Variants in XRCC4 observed in about 807,000 individuals in gnomAD.
XRCC4 encodes the protein X-ray repair cross complementing 4, also known as DNA repair protein XRCC4.
Under a neutral mutation model 39.1 loss-of-function variants are expected in XRCC4, and 28 were observed. That is an observed-to-expected ratio of 0.72 (90% CI 0.53 to 0.98). The LOEUF (loss-of-function observed/expected upper bound fraction) is 0.98, where lower values mean the gene tolerates loss of function less well. Ranked by LOEUF, XRCC4 falls within the 50% of genes least tolerant of loss-of-function variation. The pLI, the probability that XRCC4 is intolerant of heterozygous loss-of-function variation, is 0.00. For synonymous variants in XRCC4, 123 were observed against 126.4 expected (o/e 0.97, Z 0.18); for missense variants, 350 against 376.4 (o/e 0.93, Z 0.58).
intron 1 of XRCC4, among the ~76,000 whole-genome samples, chr5:83,101,002 A>T (rs1745906821): frequency 6.6e-6 from 1 of 152,012 alleles, no homozygotes; most frequent in African/African-American, 2.4e-5. Flanking sequence ...TTTAAAAATT[A>T]TTTTTTCTGT....
intron 3 of XRCC4, among the ~76,000 whole-genome samples, chr5:83,158,799 C>G (rs1749075098): frequency 1.3e-5 from 2 of 151,832 alleles, no homozygotes; most frequent in South Asian, 4.2e-4. Context: ...TATGATAGTC[C>G]TAAAGAACTA....
At chr5:83,272,299 C>T (rs966547792) in intron 7 of XRCC4, among the ~76,000 whole-genome samples, 1 of 151,962 alleles carries the variant, frequency 6.6e-6, no homozygotes, top group Non-Finnish European at 1.5e-5. Flanking sequence ...TAAAGTCATA[C>T]CCCCCCAAAC....
At chr5:83,218,178 C>A (rs767582465) in intron 6 of XRCC4, among the ~76,000 whole-genome samples, 30 of 150,640 alleles carry the variant, frequency 2.0e-4, no homozygotes, top group Non-Finnish European at 3.3e-4. Flanking sequence ...ATTAACTCAT[C>A]ATTTACATTA....
chr5:83,128,289 C>T (rs576252271), intron 3 of XRCC4, among the ~76,000 whole-genome samples: 39 of 152,224 alleles, frequency 2.6e-4, no homozygotes, highest in Admixed American at 7.9e-4. Context: ...CATGTCCCTA[C>T]GAAGGATATG....
chr5:83,234,813 TA>T (rs34710530), intron 6 of XRCC4, among the ~76,000 whole-genome samples: 75 of 151,586 alleles, frequency 4.9e-4, no homozygotes, highest in African/African-American at 1.6e-3. Context: ...ATTTGACATT[TA>T]AAAAAAAATT....
chr5:83,279,229 T>C (rs1561451287), intron 7 of XRCC4, among the ~76,000 whole-genome samples: 2 of 151,636 alleles, frequency 1.3e-5, no homozygotes, highest in Non-Finnish European at 2.9e-5. Context: ...CCTGCTGTTG[T>C]AGACAAAATT....
At chr5:83,094,341 CG>C (rs1745572654) in intron 1 of XRCC4, among the ~76,000 whole-genome samples, 1 of 123,414 alleles carries the variant, frequency 8.1e-6, no homozygotes, top group African/African-American at 3.2e-5. Context: ...CCCTTCCCTC[CG>C]CTCCCCTCTC....
intron 4 of XRCC4, among the ~76,000 whole-genome samples, chr5:83,200,450 C>G (rs541439170): frequency 3.7e-4 from 56 of 152,232 alleles, no homozygotes; most frequent in Non-Finnish European, 5.9e-4. Context: ...AGAAATGTTT[C>G]CTTTGACAAC....
At chr5:83,373,270 T>C in the XRCC4 span, among the ~76,000 whole-genome samples, 4 of 152,166 alleles carry the variant, frequency 2.6e-5, no homozygotes, top group South Asian at 2.1e-4. Flanking sequence ...GTCGAGGTCC[T>C]TAGCACGCAC....
intron 3 of XRCC4, among the ~76,000 whole-genome samples, chr5:83,162,160 A>G (rs1006583406): frequency 6.6e-6 from 1 of 152,106 alleles, no homozygotes. Context: ...GAGCGAGACA[A>G]CGTTTCAAAA....
intron 3 of XRCC4, among the ~76,000 whole-genome samples, chr5:83,167,832 G>A (rs1749552266): frequency 6.6e-6 from 1 of 152,098 alleles, no homozygotes; most frequent in South Asian, 2.1e-4. Context: ...CTGAAGATAA[G>A]TTCATAATAA....
At chr5:83,286,675 C>T (rs534229227) in intron 7 of XRCC4, among the ~76,000 whole-genome samples, 1 of 152,154 alleles carries the variant, frequency 6.6e-6, no homozygotes, top group Non-Finnish European at 1.5e-5. Flanking sequence ...ACGACATCAA[C>T]AAAATAGCTT....
chr5:83,147,924 A>T (rs1001326943), intron 3 of XRCC4, among the ~76,000 whole-genome samples: 2 of 151,386 alleles, frequency 1.3e-5, no homozygotes, highest in African/African-American at 4.9e-5. Context: ...CTTAGCTGGG[A>T]TTACAGACAC....
rs186712611 is a variant in XRCC4 at position 83,258,153 on chromosome 5, G to A, written c.746-377G>A. 3.1e-3 allele frequency among the ~76,000 whole-genome samples: 476 copies of A among 152,070 alleles called. 4 individuals carry two copies. Among genetic ancestry groups the A allele is most frequent in the South Asian group, 0.011 (53 of 4,814 alleles). ...GTATACATATGTAACAAACCTGCAC[G>A]TTCTGTACATGTATCTCAGAACTTA... On this transcript the variant is annotated intron_variant, in intron 6 of 7. Coordinates refer to ENST00000396027, the MANE Select transcript of XRCC4 (RefSeq NM_003401.5).
intron 6 of XRCC4, among the ~76,000 whole-genome samples, chr5:83,212,202 AG>A (rs1165979543): frequency 2.4e-4 from 36 of 152,202 alleles, no homozygotes; most frequent in Non-Finnish European, 4.4e-4. Flanking sequence ...AAAGCCCTAA[AG>A]GAGAGTACGA....
At chr5:83,193,330 A>C (rs2974441) in intron 3 of XRCC4, among the ~76,000 whole-genome samples, 76,822 of 151,922 alleles carry the variant, frequency 0.51, 20,673 homozygotes, top group African/African-American at 0.69. Flanking sequence ...GATTAAATTT[A>C]TAGATACTTT....
At chr5:83,263,361 G>A (rs1275547377) in intron 7 of XRCC4, among the ~76,000 whole-genome samples, 10 of 151,992 alleles carry the variant, frequency 6.6e-5, no homozygotes, top group Admixed American at 1.3e-4. Context: ...TATATACCCA[G>A]TAATGGGATG....
intron 3 of XRCC4, among the ~76,000 whole-genome samples, chr5:83,170,078 A>G (rs1338725050): frequency 1.3e-5 from 2 of 152,156 alleles, no homozygotes; most frequent in Non-Finnish European, 2.9e-5. Flanking sequence ...TGGTTATAGC[A>G]GTTATGATTG....
intron 6 of XRCC4, among the ~76,000 whole-genome samples, chr5:83,255,568 G>A (rs1373034248): frequency 6.6e-6 from 1 of 152,144 alleles, no homozygotes; most frequent in Non-Finnish European, 1.5e-5. Flanking sequence ...GAAGTTTGAA[G>A]TATGAGAACA....
Sources: gnomAD v4.1 joint callset for allele counts (sites outside exome capture counted in the v4.1 genomes callset) on GRCh38, gnomAD v4.1.1 for gene constraint, MANE v1.5 for transcripts, NCBI Gene and HGNC (gene_info 2026-07-23, HGNC 2026-07-21) for gene names.